Variants in TLN2 observed in about 807,000 individuals in gnomAD.
TLN2 encodes the protein talin 2.
A neutral mutation model predicts 294.7 loss-of-function variants in TLN2; 118 were observed. The ratio of observed to expected loss-of-function variants is 0.40; its 90% CI spans 0.34 to 0.47. TLN2 has a LOEUF of 0.47. TLN2 is among the 20% of genes least tolerant of loss of function. The pLI is 0.84. For missense variants in TLN2, 3,083 were observed against 3,282.2 expected (o/e 0.94, Z 1.48); for synonymous variants, 1,431 against 1,304.5 (o/e 1.10, Z -2.09).
intron 1 of TLN2, among the ~76,000 whole-genome samples, chr15:62,463,744 A>AAT (rs2036949229): frequency 6.6e-6 from 1 of 152,096 alleles, no homozygotes; most frequent in Admixed American, 6.6e-5. Flanking sequence ...AAAATTAGCC[A>AAT]GGCGTGGTGG....
At chr15:62,424,049 G>A (rs2034565976) in intron 1 of TLN2, among the ~76,000 whole-genome samples, 1 of 152,112 alleles carries the variant, frequency 6.6e-6, no homozygotes, top group Admixed American at 6.6e-5. Context: ...TCTGAATCCT[G>A]GTTCAGACAT....
chr15:62,713,784 G>A (rs1012159218), intron 22 of TLN2, among the ~76,000 whole-genome samples: 3 of 151,918 alleles, frequency 2.0e-5, no homozygotes, highest in East Asian at 1.9e-4. Context: ...GAGACACCTC[G>A]TGGGTAGGGG....
intron 43 of TLN2, among the ~76,000 whole-genome samples, chr15:62,779,331 C>T (rs1323357882): frequency 1.3e-5 from 2 of 152,128 alleles, no homozygotes; most frequent in Non-Finnish European, 2.9e-5. Context: ...GGTATCTTTT[C>T]TTTGTTTTTG....
intron 50 of TLN2, 130 bp from the exon 51 acceptor site, chr15:62,805,470 C>A: frequency 1.1e-6 from 1 of 944,402 alleles, no homozygotes; most frequent in Non-Finnish European, 1.5e-6. Flanking sequence ...TTTCTAATTT[C>A]GCCATGTGAC....
chr15:62,703,646 C>CAA (rs1567403721), intron 19 of TLN2, among the ~76,000 whole-genome samples: 1 of 144,884 alleles, frequency 6.9e-6, no homozygotes, highest in Non-Finnish European at 1.5e-5. Flanking sequence ...CACACACACA[C>CAA]ACACAGAGAA....
At chr15:62,621,328 T>C (rs1209827153) in intron 3 of TLN2, among the ~76,000 whole-genome samples, 1 of 152,222 alleles carries the variant, frequency 6.6e-6, no homozygotes, top group Non-Finnish European at 1.5e-5. Context: ...CTGGGAAACA[T>C]AGCATTTGGG....
intron 26 of TLN2, among the ~76,000 whole-genome samples, chr15:62,723,861 T>C (rs887613065): frequency 8.6e-5 from 13 of 151,876 alleles, no homozygotes; most frequent in Non-Finnish European, 1.6e-4. Context: ...TATTTTTTAA[T>C]ATGCAGCATA....
At chr15:62,735,436 A>C (rs893783543) in intron 28 of TLN2, among the ~76,000 whole-genome samples, 2 of 152,228 alleles carry the variant, frequency 1.3e-5, no homozygotes, top group African/African-American at 4.8e-5. Flanking sequence ...AGAAGGAGGC[A>C]CTTCACAAAA....
At chr15:62,826,753 C>T (rs1016291967) in intron 54 of TLN2, among the ~76,000 whole-genome samples, 12 of 152,192 alleles carry the variant, frequency 7.9e-5, no homozygotes, top group African/African-American at 2.4e-4. Flanking sequence ...TGCTCCACTC[C>T]GGCTTCCAAC....
At chr15:62,568,782 C>T (rs1462729321) in intron 1 of TLN2, among the ~76,000 whole-genome samples, 2 of 152,186 alleles carry the variant, frequency 1.3e-5, no homozygotes, top group Non-Finnish European at 2.9e-5. Flanking sequence ...CTGAGCTCTC[C>T]TGCAGCTGCT....
chr15:62,736,799 G>T, intron 28 of TLN2, 79 bp from the exon 29 acceptor site: 4 of 1,484,828 alleles, frequency 2.7e-6, no homozygotes, highest in South Asian at 1.2e-5. Context: ...GCCAGGCCCT[G>T]GTCCAGAAGC....
At chr15:62,583,773 T>G (rs963226462) in intron 1 of TLN2, among the ~76,000 whole-genome samples, 2 of 152,238 alleles carry the variant, frequency 1.3e-5, no homozygotes, top group African/African-American at 4.8e-5. Context: ...GTAGAGTTCC[T>G]GTTCTCATGG....
intron 1 of TLN2, among the ~76,000 whole-genome samples, chr15:62,477,905 G>T (rs540993931): frequency 3.2e-4 from 46 of 145,786 alleles, no homozygotes; most frequent in African/African-American, 1.1e-3. Flanking sequence ...GGGATGGAGG[G>T]GGGGGTGCAG....
chr15:62,623,788 T>C (rs886273980), intron 3 of TLN2, among the ~76,000 whole-genome samples: 3 of 152,168 alleles, frequency 2.0e-5, no homozygotes, highest in Non-Finnish European at 4.4e-5. Flanking sequence ...TGTATTTCAT[T>C]TGGAGATGAG....
rs1299693525 is a variant in TLN2, at chr15:62,487,599, G to C, written c.-238+96914G>C. Reference sequence around the variant, plus strand: ...TATAATCCAAGCACTTTTGGTGGCCGAGGTGGGAAGCTCACTTGAGCCCAG... The same window carrying C: ...TATAATCCAAGCACTTTTGGTGGCCCAGGTGGGAAGCTCACTTGAGCCCAG... On this transcript the variant is annotated intron_variant, in intron 1 of 58. Transcript: ENST00000636159. Among the ~76,000 whole-genome samples the C allele has an allele frequency of 2.6e-5, 4 of 152,100 alleles. 1 individual carries two copies. Among genetic ancestry groups the C allele is most frequent in the African/African-American group, 9.7e-5 (4 of 41,412 alleles).
intron 55 of TLN2, 149 bp from the exon 56 acceptor site, chr15:62,835,588 G>A (rs2069431977): frequency 1.2e-6 from 1 of 802,416 alleles, no homozygotes; most frequent in Non-Finnish European, 2.1e-6. Flanking sequence ...TCCCACGTGA[G>A]AAAGGTTGCT....
chr15:62,772,545 C>T (rs543267393), intron 42 of TLN2, among the ~76,000 whole-genome samples: 1 of 152,340 alleles, frequency 6.6e-6, no homozygotes, highest in African/African-American at 2.4e-5. Flanking sequence ...AACTTACCCT[C>T]TGACTCACTT....
intron 2 of TLN2, among the ~76,000 whole-genome samples, chr15:62,597,303 C>G (rs922296706): frequency 1.3e-5 from 2 of 152,160 alleles, no homozygotes; most frequent in African/African-American, 4.8e-5. Context: ...ATGTTAAAAA[C>G]CAGTAAGTGG....
intron 34 of TLN2, among the ~76,000 whole-genome samples, chr15:62,751,562 C>T (rs1286521475): frequency 6.6e-6 from 1 of 152,230 alleles, no homozygotes; most frequent in Non-Finnish European, 1.5e-5. Flanking sequence ...GCCTTGGGTT[C>T]TAGACCTGGC....
Sources: gnomAD v4.1 joint callset for allele counts (sites outside exome capture counted in the v4.1 genomes callset) on GRCh38, gnomAD v4.1.1 for gene constraint, MANE v1.5 for transcripts, NCBI Gene and HGNC (gene_info 2026-07-23, HGNC 2026-07-21) for gene names.